Variants in SPAG16 observed in about 807,000 individuals in gnomAD.
The protein encoded by SPAG16 is sperm associated antigen 16.
Under a neutral mutation model 80.4 loss-of-function variants are expected in SPAG16, and 86 were observed. The ratio of observed to expected loss-of-function variants is 1.07; its 90% CI spans 0.90 to 1.28. SPAG16 has a LOEUF of 1.28. SPAG16 is among the 50% of genes most tolerant of loss of function. The probability of loss-of-function intolerance (pLI) is 0.00; values close to 1 mark genes in which losing one functional copy is unlikely to be tolerated. For missense variants in SPAG16, 870 were observed against 765.3 expected, an observed-to-expected ratio of 1.14 and a Z score of -1.61; for synonymous variants, 294 against 265.9, an observed-to-expected ratio of 1.11 and a Z score of -1.03.
At chr2:213,654,440 C>T (rs980033747) in intron 10 of SPAG16, among the ~76,000 whole-genome samples, 2 of 148,568 alleles carry the variant, frequency 1.3e-5, no homozygotes, top group African/African-American at 2.5e-5. Flanking sequence ...CTCATGCCTG[C>T]AATCCCAGCA....
chr2:213,691,214 A>G (rs2064931700), intron 10 of SPAG16, among the ~76,000 whole-genome samples: 2 of 152,208 alleles, frequency 1.3e-5, no homozygotes, highest in South Asian at 2.1e-4. Flanking sequence ...ATAACCCTCA[A>G]TAAACCTTGT....
At chr2:214,161,044 C>G (rs2056414923) in intron 15 of SPAG16, among the ~76,000 whole-genome samples, 1 of 152,116 alleles carries the variant, frequency 6.6e-6, no homozygotes, top group African/African-American at 2.4e-5. Context: ...TAAGTGAGAA[C>G]ATGAAGTGTT....
chr2:214,277,366 C>T (rs575697729), intron 15 of SPAG16, among the ~76,000 whole-genome samples: 24 of 152,082 alleles, frequency 1.6e-4, no homozygotes, highest in Non-Finnish European at 2.9e-4. Context: ...AGAAGAGGTG[C>T]TCTCGTTTTT....
intron 11 of SPAG16, among the ~76,000 whole-genome samples, chr2:213,893,691 T>C (rs1405055235): frequency 6.6e-6 from 1 of 152,040 alleles, no homozygotes; most frequent in Admixed American, 6.6e-5. Flanking sequence ...CTTTATTATA[T>C]CTATAAGATA....
chr2:214,082,336 T>G (rs969208762), intron 13 of SPAG16, among the ~76,000 whole-genome samples: 4 of 152,206 alleles, frequency 2.6e-5, no homozygotes, highest in African/African-American at 9.7e-5. Flanking sequence ...TTAAATAAAA[T>G]GTGTCTGAAA....
chr2:213,527,662 A>C (rs2075934445), intron 10 of SPAG16, among the ~76,000 whole-genome samples: 1 of 152,200 alleles, frequency 6.6e-6, no homozygotes, highest in Non-Finnish European at 1.5e-5. Context: ...AGAAATTGCG[A>C]AAAACAAAAA....
At chr2:213,977,620 CT>C (rs149674562) in intron 12 of SPAG16, among the ~76,000 whole-genome samples, 10,240 of 152,164 alleles carry the variant, frequency 0.067, 407 homozygotes, top group African/African-American at 0.11. Context: ...CAAATGCTCT[CT>C]GTATCTTTTT....
At chr2:213,459,261 G>T (rs906487398) in intron 9 of SPAG16, among the ~76,000 whole-genome samples, 1 of 151,978 alleles carries the variant, frequency 6.6e-6, no homozygotes, top group Non-Finnish European at 1.5e-5. Flanking sequence ...ACAGTCTTAC[G>T]TTTCATATGC....
intron 10 of SPAG16, among the ~76,000 whole-genome samples, chr2:213,675,364 T>G (rs1210660830): frequency 6.6e-6 from 1 of 152,220 alleles, no homozygotes; most frequent in Non-Finnish European, 1.5e-5. Flanking sequence ...TAGTTTCTTT[T>G]GCTGTGCAGA....
At chr2:213,939,152 A>G (rs553616067) in intron 12 of SPAG16, among the ~76,000 whole-genome samples, 1 of 152,116 alleles carries the variant, frequency 6.6e-6, no homozygotes, top group Admixed American at 6.6e-5. Context: ...CCATACTTTT[A>G]TCCTTCACTA....
chr2:213,325,415 A>G (rs2063800545), intron 5 of SPAG16, among the ~76,000 whole-genome samples: 1 of 151,894 alleles, frequency 6.6e-6, no homozygotes, highest in African/African-American at 2.4e-5. Context: ...CTAGAAGTTA[A>G]TTTTCTTTAC....
intron 15 of SPAG16, among the ~76,000 whole-genome samples, chr2:214,283,873 A>G (rs1693149337): frequency 6.6e-6 from 1 of 152,234 alleles, no homozygotes; most frequent in African/African-American, 2.4e-5. Flanking sequence ...ATCTTTAGAA[A>G]AAACACAAGA....
intron 6 of SPAG16, among the ~76,000 whole-genome samples, chr2:213,348,975 A>G (rs2065172986): frequency 6.6e-6 from 1 of 152,228 alleles, no homozygotes; most frequent in Non-Finnish European, 1.5e-5. Flanking sequence ...CCATAAAACA[A>G]GTCTCTATAC....
At chr2:213,625,329 A>G (rs188204882) in intron 10 of SPAG16, among the ~76,000 whole-genome samples, 21 of 152,262 alleles carry the variant, frequency 1.4e-4, no homozygotes, top group African/African-American at 4.3e-4. Context: ...ACATGAGAGC[A>G]AAGTGGGAGG....
At chr2:213,921,899 C>T (rs2078240310) in intron 11 of SPAG16, among the ~76,000 whole-genome samples, 3 of 152,098 alleles carry the variant, frequency 2.0e-5, no homozygotes, top group African/African-American at 7.2e-5. Context: ...AAAAGTCCAG[C>T]CTGATGGGAT....
At chr2:213,801,925 A>G (rs889156490) in intron 10 of SPAG16, among the ~76,000 whole-genome samples, 22 of 152,344 alleles carry the variant, frequency 1.4e-4, no homozygotes, top group African/African-American at 4.8e-4. Flanking sequence ...AGGATGAAAC[A>G]CTTTATAAAC....
At chr2:213,672,015 G>A (rs2063829011) in intron 10 of SPAG16, among the ~76,000 whole-genome samples, 1 of 152,166 alleles carries the variant, frequency 6.6e-6, no homozygotes, top group Non-Finnish European at 1.5e-5. Context: ...AACTAAAAGT[G>A]ATTTAGCCAT....
intron 5 of SPAG16, among the ~76,000 whole-genome samples, chr2:213,322,743 G>A (rs748471492): frequency 6.6e-6 from 1 of 152,152 alleles, no homozygotes; most frequent in Non-Finnish European, 1.5e-5. Context: ...GGAGACAGAC[G>A]GGGTGCTGTT....
intron 10 of SPAG16, among the ~76,000 whole-genome samples, chr2:213,665,225 T>C (rs1454279704): frequency 1.3e-5 from 2 of 152,162 alleles, no homozygotes; most frequent in Non-Finnish European, 2.9e-5. Context: ...ACATGTTATG[T>C]TTATATTAGC....
Sources: gnomAD v4.1 joint callset for allele counts (sites outside exome capture counted in the v4.1 genomes callset) on GRCh38, gnomAD v4.1.1 for gene constraint, MANE v1.5 for transcripts, NCBI Gene and HGNC (gene_info 2026-07-23, HGNC 2026-07-21) for gene names.